The following GSR variants were observed in gnomAD, a reference collection of about 807,000 sequenced individuals.
The protein encoded by GSR is glutathione reductase, mitochondrial.
Under a neutral mutation model 56.5 loss-of-function variants are expected in GSR, and 48 were observed. The observed-to-expected ratio is 0.85, with a 90% CI of 0.67 to 1.08. The LOEUF is 1.08. Ranked by LOEUF, GSR falls within the 50% of genes least tolerant of loss-of-function variation. The pLI, the probability that GSR is intolerant of heterozygous loss-of-function variation, is 0.00. For missense variants in GSR, 694 were observed against 703.3 expected (o/e 0.99, Z 0.15); for synonymous variants, 264 against 270.8 (o/e 0.97, Z 0.25).
At chr8:30,691,456 G>A (rs1205182162) in intron 8 of GSR, among the ~76,000 whole-genome samples, 4 of 151,916 alleles carry the variant, frequency 2.6e-5, no homozygotes, top group Non-Finnish European at 4.4e-5. Flanking sequence ...TGAGGTGAGC[G>A]GATCACTTGA....
chr8:30,715,029 G>A (rs1484345039), intron 1 of GSR, among the ~76,000 whole-genome samples: 2 of 152,148 alleles, frequency 1.3e-5, no homozygotes, highest in South Asian at 4.2e-4. Flanking sequence ...TAATCCCCAC[G>A]CTTTGGGAGG....
chr8:30,714,669 TTTTTA>T (rs1421847122), intron 1 of GSR, among the ~76,000 whole-genome samples: 4 of 151,458 alleles, frequency 2.6e-5, no homozygotes, highest in Admixed American at 6.6e-5. Flanking sequence ...CTGTATATGC[TTTTTA>T]TTTTATTTTT....
At chr8:30,686,231 C>T (rs1803156008) in intron 9 of GSR, among the ~76,000 whole-genome samples, 1 of 151,914 alleles carries the variant, frequency 6.6e-6, no homozygotes, top group Admixed American at 6.6e-5. Flanking sequence ...TCTCTGTGCT[C>T]CTGGCTTCCT....
At chr8:30,700,761 C>G (rs1351149794) in intron 5 of GSR, among the ~76,000 whole-genome samples, 2 of 116,560 alleles carry the variant, frequency 1.7e-5, no homozygotes, top group Non-Finnish European at 3.9e-5. Flanking sequence ...TCGACGTGGC[C>G]CTTTCCTCTC....
At chr8:30,680,819 G>T in intron 12 of GSR, 85 bp downstream of exon 12, 2 of 1,226,070 alleles carry the variant, frequency 1.6e-6, no homozygotes, top group South Asian at 1.2e-5. Flanking sequence ...CAACTGCTTG[G>T]TCTCCCTCCT....
chr8:30,693,691 G>T (rs924715136), intron 7 of GSR, among the ~76,000 whole-genome samples: 1 of 152,132 alleles, frequency 6.6e-6, no homozygotes, highest in Non-Finnish European at 1.5e-5. Context: ...ACCATGCCTG[G>T]CTAACTTTTC....
intron 10 of GSR, among the ~76,000 whole-genome samples, chr8:30,683,785 T>C (rs907082301): frequency 3.3e-5 from 5 of 151,180 alleles, no homozygotes; most frequent in East Asian, 3.9e-4. Context: ...TCTAAATTAC[T>C]TCTTCCAAAT....
At chr8:30,693,181 T>G in intron 7 of GSR, 126 bp from the exon 8 acceptor site, 54 of 683,608 alleles carry the variant, frequency 7.9e-5, no homozygotes, top group East Asian at 1.1e-4. Flanking sequence ...CTTATGGCCA[T>G]ATTGGGAGTG....
rs1287957392 is a variant in GSR, at chr8:30,699,980, G to A, written c.695+101C>T. On this transcript the variant is annotated intron_variant, in intron 6 of 12. Transcript: ENST00000221130. ...AGAAGCTGTAAGAGGAGGGAATTCA[G>A]GAAAGGCCTACATTAAATGCTTGGG... 3 of 846,360 alleles carry A rather than the reference G, an allele frequency of 3.5e-6. No homozygotes were observed. In the African/African-American group the frequency reaches 5.0e-5, roughly 14 times the overall value. 52.4% of individuals were successfully genotyped at this position (846,360 alleles called of 1,614,324 possible). A position where few individuals can be genotyped will look rare whatever the true frequency, so the allele number is the denominator to read the frequency against.
chr8:30,727,405 C>CG (rs1804768658), intron 1 of GSR, 125 bp downstream of exon 1: 5 of 936,484 alleles, frequency 5.3e-6, no homozygotes, highest in Non-Finnish European at 7.9e-6. Flanking sequence ...TGGGGAGTTG[C>CG]GGGGGTGGAA....
intron 1 of GSR, among the ~76,000 whole-genome samples, chr8:30,716,756 G>T (rs968691973): frequency 6.6e-6 from 1 of 152,040 alleles, no homozygotes; most frequent in Non-Finnish European, 1.5e-5. Context: ...ACAGTGAGCC[G>T]AGATAGCACC....
intron 5 of GSR, among the ~76,000 whole-genome samples, chr8:30,701,286 T>G (rs1803730538): frequency 6.6e-6 from 1 of 150,842 alleles, no homozygotes; most frequent in Admixed American, 6.6e-5. Context: ...GCCAACATGG[T>G]GAAACCCCGT....
chr8:30,692,169 G>T, intron 8 of GSR, among the ~76,000 whole-genome samples: 1 of 27,844 alleles, frequency 3.6e-5, no homozygotes, highest in South Asian at 1.5e-3. Context: ...TTTTACCCTT[G>T]ACTTCAAGGC....
In GSR at chr8:30,689,750, A is replaced by G. The variant is rs865832733; in HGVS notation, c.883-431T>C. Among the ~76,000 whole-genome samples the G allele has an allele frequency of 3.8e-3, 540 of 143,958 alleles. 3 individuals carry two copies. The highest frequency in any genetic ancestry group is 0.012 in the African/African-American group (487 of 39,500). 94.4% of individuals were successfully genotyped at this position (143,958 alleles called of 152,430 possible). On this transcript the variant is annotated intron_variant, in intron 8 of 12. Coordinates refer to ENST00000221130, the MANE Select transcript of GSR (RefSeq NM_000637.5). ...TGGGTATATACGTGTGTGTGTGTAT[A>G]TATATATATATACACACACACATAT... is the stretch of plus-strand genomic sequence containing the variant.
intron 6 of GSR, among the ~76,000 whole-genome samples, chr8:30,698,390 T>C (rs1803618996): frequency 6.6e-6 from 1 of 152,192 alleles, no homozygotes; most frequent in African/African-American, 2.4e-5. Context: ...CATGACTGTA[T>C]GTCTCACTAC....
At chr8:30,699,078 G>A (rs1032087917) in intron 6 of GSR, among the ~76,000 whole-genome samples, 1 of 152,056 alleles carries the variant, frequency 6.6e-6, no homozygotes, top group Non-Finnish European at 1.5e-5. Flanking sequence ...TTGAGGCCAG[G>A]AATTCTAGAC....
chr8:30,698,940 A>G (rs1447231273), intron 6 of GSR, among the ~76,000 whole-genome samples: 1 of 152,172 alleles, frequency 6.6e-6, no homozygotes, highest in Non-Finnish European at 1.5e-5. Flanking sequence ...TGCAATGTAC[A>G]GCAACTTCAA....
chr8:30,692,639 T>A (rs1803424750), intron 8 of GSR, among the ~76,000 whole-genome samples: 2 of 151,542 alleles, frequency 1.3e-5, no homozygotes, highest in African/African-American at 4.9e-5. Flanking sequence ...GTAGCTGGGA[T>A]TACAGGTGCA....
chr8:30,688,638 C>T lies in GSR; in HGVS notation c.1041+523G>A, dbSNP rs537293394. Among the ~76,000 whole-genome samples the T allele has an allele frequency of 4.0e-5, 6 of 149,100 alleles. No individual in the cohort carries two copies. In the East Asian group the frequency reaches 1.2e-3, roughly 30 times the overall value. On this transcript the variant is annotated intron_variant, in intron 9 of 12. Transcript: ENST00000221130. ...AAAGAAAAAGGCCAGACGTGGCGGC[C>T]TTTTTCTGGGACATGCTGGGACATG...
Sources: allele counts gnomAD v4.1 joint callset (sites outside exome capture counted in the v4.1 genomes callset), GRCh38; gene constraint gnomAD v4.1.1; transcripts MANE v1.5; gene names NCBI Gene and HGNC (gene_info 2026-07-23, HGNC 2026-07-21).